The following EPHA4 variants were observed in gnomAD, a reference collection of about 807,000 sequenced individuals.
EPHA4 encodes EPH receptor A4.
Under a neutral mutation model 108.3 loss-of-function variants are expected in EPHA4, and 19 were observed. That is an observed-to-expected ratio of 0.18 (90% CI 0.12 to 0.26). The LOEUF is 0.26. Among genes scored for constraint, EPHA4 ranks in the 10% least tolerant of loss-of-function variants. EPHA4 has a pLI of 1.00. For missense variants in EPHA4, 917 were observed against 1,254.0 expected (o/e 0.73, Z 4.06); for synonymous variants, 449 against 455.5 (o/e 0.99, Z 0.18).
intron 11 of EPHA4, among the ~76,000 whole-genome samples, chr2:221,441,500 C>T (rs1323127260): frequency 2.0e-5 from 3 of 152,072 alleles, no homozygotes; most frequent in African/African-American, 4.8e-5. Context: ...ATAAAACCTA[C>T]ACATTCACCA....
intron 1 of EPHA4, among the ~76,000 whole-genome samples, chr2:221,569,810 C>A (rs1694773660): frequency 6.6e-6 from 1 of 152,154 alleles, no homozygotes; most frequent in Non-Finnish European, 1.5e-5. Context: ...TCAAGCTTAC[C>A]CCCAGACCCC....
chr2:221,567,397 T>C (rs1694700159), intron 2 of EPHA4, among the ~76,000 whole-genome samples: 1 of 152,208 alleles, frequency 6.6e-6, no homozygotes, highest in Admixed American at 6.5e-5. Flanking sequence ...AAGCCGTACC[T>C]TTCTTCACAT....
chr2:221,426,132 T>G lies in EPHA4; in HGVS notation c.2857A>C (p.Arg953=), dbSNP rs1689898687. 1 of 1,613,946 alleles carries G rather than the reference T, an allele frequency of 6.2e-7. No individual in the cohort carries two copies. The highest frequency in any genetic ancestry group is 1.7e-5 in the Admixed American group (1 of 59,998). ...TGCGTGATGGCTGTGATACCAATTCTTGCCAGGTCCCTGTACATAGGGCGA... is the reference window on the plus strand; with the variant it reads ...TGCGTGATGGCTGTGATACCAATTCGTGCCAGGTCCCTGTACATAGGGCGA... ...VVHVNQEDLA[R]IGITAITHQN... The change falls in exon 17 of 18, where the codon AGA becomes CGA. Residue 953 remains arginine (R), a synonymous_variant. Coordinates refer to ENST00000281821, the MANE Select transcript of EPHA4 (RefSeq NM_004438.5).
chr2:221,531,842 G>A (rs1241966788), intron 3 of EPHA4, among the ~76,000 whole-genome samples: 1 of 152,118 alleles, frequency 6.6e-6, no homozygotes, highest in African/African-American at 2.4e-5. Flanking sequence ...TTTGTGCGAA[G>A]GCCATGATTT....
At chr2:221,511,235 G>A (rs570640439) in intron 3 of EPHA4, among the ~76,000 whole-genome samples, 2 of 152,272 alleles carry the variant, frequency 1.3e-5, no homozygotes, top group Non-Finnish European at 1.5e-5. Flanking sequence ...ACTAAAAACG[G>A]CCTCAGAACG....
intron 3 of EPHA4, among the ~76,000 whole-genome samples, chr2:221,528,651 G>A (rs750489253): frequency 1.7e-4 from 26 of 152,112 alleles, no homozygotes; most frequent in Non-Finnish European, 3.5e-4. Context: ...TCCCAGATTA[G>A]GAAACTGAGT....
At chr2:221,471,695 A>G (rs1470006700) in intron 5 of EPHA4, among the ~76,000 whole-genome samples, 1 of 152,152 alleles carries the variant, frequency 6.6e-6, no homozygotes, top group East Asian at 1.9e-4. Flanking sequence ...TTTCTTAAAT[A>G]TATTACCAGC....
chr2:221,436,893 T>A (rs555025841), intron 12 of EPHA4, among the ~76,000 whole-genome samples, 168 bp downstream of exon 12: 1 of 152,198 alleles, frequency 6.6e-6, no homozygotes, highest in Non-Finnish European at 1.5e-5. Flanking sequence ...TCGTTGAACA[T>A]GGATTATTTA....
intron 3 of EPHA4, among the ~76,000 whole-genome samples, chr2:221,506,258 A>G (rs1382465551): frequency 6.6e-6 from 1 of 152,218 alleles, no homozygotes; most frequent in Non-Finnish European, 1.5e-5. Flanking sequence ...CCATTATTAA[A>G]TTAGTTCTTC....
chr2:221,535,952 C>T (rs993670085), intron 3 of EPHA4, among the ~76,000 whole-genome samples: 44 of 152,302 alleles, frequency 2.9e-4, no homozygotes, highest in African/African-American at 1.0e-3. Flanking sequence ...CTCAGCTCCA[C>T]CTACCTACCC....
chr2:221,443,688 A>G (rs2106106618), intron 9 of EPHA4, 82 bp from the exon 10 acceptor site: 3 of 1,000,804 alleles, frequency 3.0e-6, no homozygotes, highest in South Asian at 1.5e-5. Flanking sequence ...TAAAATTACC[A>G]AACATAGGAA....
At chr2:221,440,304 A>G (rs1690378814) in intron 11 of EPHA4, among the ~76,000 whole-genome samples, 1 of 152,212 alleles carries the variant, frequency 6.6e-6, no homozygotes, top group Non-Finnish European at 1.5e-5. Flanking sequence ...GTGGGACTTT[A>G]ATACAAAGAT....
chr2:221,471,316 A>C (rs961987599), intron 5 of EPHA4, among the ~76,000 whole-genome samples: 1 of 152,164 alleles, frequency 6.6e-6, no homozygotes, highest in Non-Finnish European at 1.5e-5. Flanking sequence ...TCATGAACTC[A>C]ATTTGCTGAA....
chr2:221,548,863 T>C (rs1694081101), intron 3 of EPHA4, among the ~76,000 whole-genome samples: 1 of 152,142 alleles, frequency 6.6e-6, no homozygotes, highest in East Asian at 1.9e-4. Flanking sequence ...GAGATTAGCA[T>C]CCATCCCAGG....
intron 4 of EPHA4, among the ~76,000 whole-genome samples, chr2:221,486,412 A>G (rs1221952503): frequency 6.6e-6 from 1 of 152,034 alleles, no homozygotes; most frequent in African/African-American, 2.4e-5. Context: ...GTCTGTTTCT[A>G]TCACCAGTAT....
chr2:221,560,513 C>T (rs1214229803), intron 3 of EPHA4, among the ~76,000 whole-genome samples: 2 of 152,156 alleles, frequency 1.3e-5, no homozygotes. Context: ...AGAGATGCTT[C>T]CTATCTTTAG....
intron 4 of EPHA4, among the ~76,000 whole-genome samples, chr2:221,496,909 CAAAAA>C (rs1248934067): frequency 7.0e-6 from 1 of 142,842 alleles, no homozygotes; most frequent in Admixed American, 7.0e-5. Flanking sequence ...AACTCGGTCT[CAAAAA>C]AAAAAAATTT....
chr2:221,418,704 C>CG lies in EPHA4; in HGVS notation c.*2667dup, dbSNP rs372113831. ...GGTGAAGCTACTTGATTTGGTGCAG[C>CG]GGGGTAGTTTCCCACTGCTCTAGAG... On this transcript the variant is annotated 3_prime_UTR_variant, in exon 18 of 18. Coordinates refer to ENST00000281821, the MANE Select transcript of EPHA4 (RefSeq NM_004438.5). The CG allele has an allele frequency of 6.6e-6, 1 of 152,360 alleles. No homozygotes were observed. Among genetic ancestry groups the CG allele is most frequent in the East Asian group, 1.9e-4 (1 of 5,188 alleles). The allele number at this position is 152,360 out of a possible 1,614,324, so 9.4% of individuals were successfully genotyped here.
intron 3 of EPHA4, among the ~76,000 whole-genome samples, chr2:221,543,356 A>T (rs532083400): frequency 4.6e-5 from 7 of 152,210 alleles, no homozygotes; most frequent in African/African-American, 1.7e-4. Flanking sequence ...CTCCATGATC[A>T]TTAACTCATT....
Sources: allele counts gnomAD v4.1 joint callset (sites outside exome capture counted in the v4.1 genomes callset), GRCh38; gene constraint gnomAD v4.1.1; transcripts MANE v1.5; gene names NCBI Gene and HGNC (gene_info 2026-07-23, HGNC 2026-07-21).